Variants in TXNDC9 observed in about 807,000 individuals in gnomAD.
TXNDC9 encodes the protein thioredoxin domain-containing protein 9.
In TXNDC9, 7 loss-of-function variants were observed where a neutral mutation model predicts 23.0. The observed-to-expected ratio is 0.30, with a 90% CI of 0.17 to 0.57. The LOEUF is 0.57. TXNDC9 is among the 20% of genes least tolerant of loss of function. TXNDC9 has a pLI of 0.90. For missense variants in TXNDC9, 198 were observed against 252.6 expected, an observed-to-expected ratio of 0.78 and a Z score of 1.47; for synonymous variants, 72 against 90.6, an observed-to-expected ratio of 0.79 and a Z score of 1.17.
downstream of TXNDC9, among the ~76,000 whole-genome samples, chr2:99,316,081 C>T (rs1266139184): frequency 1.3e-5 from 2 of 149,944 alleles, no homozygotes; most frequent in East Asian, 3.9e-4. Context: ...GTATCAAGTC[C>T]TCTGACTCAT....
intron 3 of TXNDC9, among the ~76,000 whole-genome samples, chr2:99,326,309 G>A (rs937358075): frequency 1.3e-5 from 2 of 152,162 alleles, no homozygotes; most frequent in Non-Finnish European, 1.5e-5. Flanking sequence ...AACTAACAAT[G>A]AAGCTGTTGG....
chr2:99,332,848 T>TG (rs1213224543), intron 2 of TXNDC9, 174 bp downstream of exon 2: 1 of 578,554 alleles, frequency 1.7e-6, no homozygotes, highest in Non-Finnish European at 3.0e-6. Flanking sequence ...GGGCTAATTT[T>TG]GAATGTCTTT....
intron 4 of TXNDC9, 63 bp downstream of exon 4, chr2:99,321,892 T>C (rs1004054815): frequency 1.4e-6 from 2 of 1,429,464 alleles, no homozygotes; most frequent in Non-Finnish European, 1.9e-6. Context: ...AATACAAAAA[T>C]CTTTTGTAAA....
At chr2:99,306,913 C>T in the TXNDC9 span, 1,250 of 369,412 alleles carry the variant, frequency 3.4e-3, 24 homozygotes, top group South Asian at 0.023. Context: ...CCTGTCTGGG[C>T]CTGTAAGAAA....
downstream of TXNDC9, among the ~76,000 whole-genome samples, chr2:99,314,888 T>C (rs1221390548): frequency 6.8e-6 from 1 of 147,022 alleles, no homozygotes; most frequent in Non-Finnish European, 1.5e-5. Context: ...GTACAGATCC[T>C]TTACTCATTT....
chr2:99,310,282 T>G, the TXNDC9 span, among the ~76,000 whole-genome samples: 1 of 151,992 alleles, frequency 6.6e-6, no homozygotes, highest in South Asian at 2.1e-4. Flanking sequence ...GATTTTGGGG[T>G]TTTCTTTTTT....
At chr2:99,325,804 A>G (rs1056793974) in intron 3 of TXNDC9, among the ~76,000 whole-genome samples, 1 of 152,170 alleles carries the variant, frequency 6.6e-6, no homozygotes, top group Non-Finnish European at 1.5e-5. Flanking sequence ...TGAGGTCAAG[A>G]GTTTGAGACC....
At position 99,327,461 on chromosome 2, in the gene TXNDC9, G is replaced by C. The variant is rs2105323326; in HGVS notation, c.308+74C>G. 6.8e-6 allele frequency: 7 copies of C among 1,030,936 alleles called. No homozygotes were observed. The South Asian group carries it at 8.5e-5, about 12-fold the overall frequency. 63.9% of individuals were successfully genotyped at this position (1,030,936 alleles called of 1,614,324 possible). On this transcript the variant is annotated intron_variant, in intron 3 of 4. Coordinates refer to ENST00000264255, the MANE Select transcript of TXNDC9 (RefSeq NM_005783.4). Reference sequence around the variant, plus strand: ...TCTTTTAGTTTTCTTCATTTCTCTAGTAAGCCAGTATATCTCCAGCCAAAC... The same window carrying C: ...TCTTTTAGTTTTCTTCATTTCTCTACTAAGCCAGTATATCTCCAGCCAAAC...
At chr2:99,307,176 T>C in the TXNDC9 span, among the ~76,000 whole-genome samples, 1 of 145,402 alleles carries the variant, frequency 6.9e-6, no homozygotes, top group East Asian at 2.2e-4. Flanking sequence ...TCCCAGAAAA[T>C]GATGTGAATA....
Position 99,321,805 on chromosome 2 carries a change from C to A in TXNDC9, c.563+150G>T, listed in dbSNP as rs2094202402. On this transcript the variant is annotated intron_variant, in intron 4 of 4. Coordinates refer to ENST00000264255, the MANE Select transcript of TXNDC9 (RefSeq NM_005783.4). ...AAAATCACGCTAATATTACACACTT[C>A]AAAAAAACATGCTTTTCCTTTGAGA... 12 of 928,082 alleles carry A rather than the reference C, an allele frequency of 1.3e-5. 1 individual carries two copies. In the East Asian group the frequency reaches 3.0e-4, roughly 23 times the overall value. The allele number at this position is 928,082 out of a possible 1,614,324, so 57.5% of individuals were successfully genotyped here.
intron 4 of TXNDC9, 91 bp from the exon 5 acceptor site, chr2:99,319,890 C>T: frequency 1.3e-6 from 1 of 789,240 alleles, no homozygotes; most frequent in South Asian, 1.9e-5. Context: ...CTTCCTGTAA[C>T]ATAGAATAAA....
intron 3 of TXNDC9, among the ~76,000 whole-genome samples, chr2:99,326,422 C>A (rs936668242): frequency 6.6e-6 from 1 of 152,226 alleles, no homozygotes; most frequent in Non-Finnish European, 1.5e-5. Flanking sequence ...CAGTGCTTGT[C>A]TGTCCTGGGT....
At chr2:99,317,726 C>T (rs1416293093), downstream of TXNDC9, among the ~76,000 whole-genome samples, 4 of 152,086 alleles carry the variant, frequency 2.6e-5, no homozygotes, top group East Asian at 7.7e-4. Context: ...GGTCCTCCCG[C>T]CTCCGCATCC....
downstream of TXNDC9, among the ~76,000 whole-genome samples, chr2:99,317,528 A>G (rs576903919): frequency 2.2e-4 from 34 of 152,270 alleles, no homozygotes; most frequent in Non-Finnish European, 4.6e-4. Flanking sequence ...TGGTTTTGAT[A>G]GGGCTCTCTT....
At chr2:99,332,942 AACT>A (rs761967571) in intron 2 of TXNDC9, 77 bp downstream of exon 2, 7 of 1,149,656 alleles carry the variant, frequency 6.1e-6, no homozygotes, top group Non-Finnish European at 8.9e-6. Context: ...AACGAAATGT[AACT>A]ACTACAGCAC....
chr2:99,328,752 G>A (rs2094218525), intron 2 of TXNDC9, among the ~76,000 whole-genome samples: 2 of 151,590 alleles, frequency 1.3e-5, no homozygotes, highest in African/African-American at 4.9e-5. Flanking sequence ...GAGGCGGCTG[G>A]ATCACCTGAG....
chr2:99,323,768 G>C (rs574683080), intron 3 of TXNDC9, among the ~76,000 whole-genome samples: 1 of 152,260 alleles, frequency 6.6e-6, no homozygotes, highest in African/African-American at 2.4e-5. Flanking sequence ...CAATTCACGA[G>C]TGTTTCTAAA....
At chr2:99,306,891 G>A in the TXNDC9 span, 17 of 407,920 alleles carry the variant, frequency 4.2e-5, no homozygotes, top group African/African-American at 8.2e-5. Context: ...TAAAGACCAC[G>A]TAGCCCAAAA....
At chr2:99,334,758 G>C (rs1279510924) in intron 1 of TXNDC9, among the ~76,000 whole-genome samples, 2 of 152,152 alleles carry the variant, frequency 1.3e-5, no homozygotes, top group Non-Finnish European at 2.9e-5. Context: ...TGTCGCCCAG[G>C]CTGGAGTGCA....
Sources: allele counts gnomAD v4.1 joint callset (sites outside exome capture counted in the v4.1 genomes callset), GRCh38; gene constraint gnomAD v4.1.1; transcripts MANE v1.5; gene names NCBI Gene and HGNC (gene_info 2026-07-23, HGNC 2026-07-21).